Variants in TEKT2 observed in about 807,000 individuals in gnomAD.
TEKT2 encodes tektin 2.
Under a neutral mutation model 49.8 loss-of-function variants are expected in TEKT2, and 45 were observed. The ratio of observed to expected loss-of-function variants is 0.90; its 90% CI spans 0.71 to 1.16. TEKT2 has a LOEUF of 1.16. TEKT2 is among the 50% of genes most tolerant of loss of function. The pLI is 0.00. For missense variants in TEKT2, 523 were observed against 551.4 expected, an observed-to-expected ratio of 0.95 and a Z score of 0.52; for synonymous variants, 202 against 224.6, an observed-to-expected ratio of 0.90 and a Z score of 0.90.
In TEKT2 at chr1:36,087,124, C is replaced by A; in HGVS notation, c.747+79C>A. ...CTTCTGTTCCCTGCTGTGCATGTGG[C>A]CCCCTGCCCCTCGCTTGAGTAATAT... is the stretch of plus-strand genomic sequence containing the variant. On this transcript the variant is annotated intron_variant, in intron 6 of 9. Coordinates refer to ENST00000207457, the MANE Select transcript of TEKT2 (RefSeq NM_014466.3). This position sits in a 1 kb window ranked among gnomAD's most constrained non-coding sequence, Gnocchi z 4.9. 12 of 1,601,038 alleles carry A rather than the reference C, an allele frequency of 7.5e-6. No individual in the cohort carries two copies. Among genetic ancestry groups the A allele is most frequent in the Non-Finnish European group, 1.0e-5 (12 of 1,169,576 alleles).
intron 4 of TEKT2, 132 bp downstream of exon 4, chr1:36,086,173 C>A: frequency 1.1e-6 from 1 of 935,722 alleles, no homozygotes; most frequent in Non-Finnish European, 1.7e-6. Context: ...GTGCCTGTGA[C>A]AGAAACCACT....
Position 36,088,233 on chromosome 1 carries a change from G to T in TEKT2, c.*47G>T. ...GGGCAGGGTTGGGTGGGCAATGGAA[G>T]GAGGGAGGAGAGAAATGAATGGAAT... On this transcript the variant is annotated 3_prime_UTR_variant, in exon 10 of 10. Coordinates refer to ENST00000207457, the MANE Select transcript of TEKT2 (RefSeq NM_014466.3). The T allele has an allele frequency of 6.8e-7, 1 of 1,462,368 alleles. No individual in the cohort carries two copies. The highest frequency in any genetic ancestry group is 2.3e-5 in the East Asian group (1 of 43,008). The allele number at this position is 1,462,368 out of a possible 1,614,324, so 90.6% of individuals were successfully genotyped here. A position where few individuals can be genotyped will look rare whatever the true frequency, so the allele number is the denominator to read the frequency against.
At chr1:36,085,421 TG>T (rs1336626758) in intron 3 of TEKT2, 133 bp downstream of exon 3, 1 of 1,396,414 alleles carries the variant, frequency 7.2e-7, no homozygotes, top group African/African-American at 1.4e-5. Context: ...CCTGCTAAAG[TG>T]GGGACAAGCG....
intron 4 of TEKT2, 80 bp from the exon 5 acceptor site, chr1:36,086,623 TC>T: frequency 6.3e-7 from 1 of 1,591,932 alleles, no homozygotes; most frequent in East Asian, 2.2e-5. Context: ...AGCCTCCTCT[TC>T]CTGTGGTGTC....
rs768104462 is a variant in TEKT2, at chr1:36,086,829, C to A, written c.614C>A (p.Pro205His). 8 of 1,614,064 alleles carry A rather than the reference C, an allele frequency of 5.0e-6. No homozygotes were observed. The highest frequency in any genetic ancestry group is 1.7e-5 in the Admixed American group (1 of 59,992). Reference protein sequence around the residue: ...RSPNISLKVDPTRVPDGSTTL... With the variant: ...RSPNISLKVDHTRVPDGSTTL... Reference sequence around the variant, plus strand: ...CCAAACATCTCGCTGAAGGTTGACCCCACACGTGTACCTGATGGGTAAGAA... The same window carrying A: ...CCAAACATCTCGCTGAAGGTTGACCACACACGTGTACCTGATGGGTAAGAA... Residue 205 changes from proline to histidine, a missense_variant, in exon 5 of 10, where the codon CCC (proline) becomes CAC (histidine). Pro to His is a moderately conservative substitution (Grantham distance 77). Transcript: ENST00000207457.
chr1:36,088,021 C>T lies in TEKT2; in HGVS notation c.1128C>T (p.Asp376=). Residue 376 remains aspartate (D), a synonymous_variant, in exon 10 of 10, where the codon GAC becomes GAT. Transcript: ENST00000207457. ...AGCACCTGGCCCGGCTGCAGGCTGA[C>T]ATTGCCTGCAAGGCCAACTCCATGC... ...LCKHLARLQA[D]IACKANSMLL... 1.9e-6 allele frequency: 3 copies of T among 1,612,464 alleles called. No individual in the cohort carries two copies. Among genetic ancestry groups the T allele is most frequent in the Non-Finnish European group, 2.5e-6 (3 of 1,179,720 alleles).
rs905693386 is a variant in TEKT2 at position 36,084,927 on chromosome 1, C to T, written c.6C>T (p.Ala2=). M[A]TLSVKPSRRF... The stretch of plus-strand genomic sequence containing the variant: ...ACCCTTCTGGTTTCTGTGCCATGGC[C>T]ACGCTGAGCGTCAAGCCAAGTCGGC... The change falls in exon 2 of 10, where the codon GCC becomes GCT. Residue 2 remains alanine (A), a synonymous_variant. Coordinates refer to ENST00000207457, the MANE Select transcript of TEKT2 (RefSeq NM_014466.3). The surrounding 1 kb of genome is among the most constrained non-coding windows in gnomAD (Gnocchi z 4.1). 6.2e-7 allele frequency: 1 copy of T among 1,613,888 alleles called. No homozygotes were observed.
At position 36,085,060 on chromosome 1, in the gene TEKT2, A is replaced by G; in HGVS notation, c.139A>G (p.Asn47Asp). Residue 47 changes from asparagine to aspartate, a missense_variant, in exon 2 of 10, where the codon AAC (asparagine) becomes GAC (aspartate). By Grantham distance (23) the Asn-to-Asp change is conservative (BLOSUM62 1). Coordinates refer to ENST00000207457, the MANE Select transcript of TEKT2 (RefSeq NM_014466.3). The part of the protein sequence containing the change: ...QIRQEARVLR[N>D]ETNNQTIWDE... ...CCGCCAGGAGGCCCGGGTGCTCCGC[A>G]ACGAGACCAACAACCAGGTTGGGGA... The G allele has an allele frequency of 1.2e-6, 2 of 1,614,132 alleles. No individual in the cohort carries two copies. The highest frequency in any genetic ancestry group is 2.2e-5 in the South Asian group (2 of 91,090).
rs1160656614 is a variant in TEKT2, at chr1:36,084,831, T to C, written c.-52-39T>C. ...CAGGGGGCGTGTGATCCAGGAGGTCTCCGGAAAGGTCTCCCGCAGCAGTGT... is the reference window on the plus strand; with the variant it reads ...CAGGGGGCGTGTGATCCAGGAGGTCCCCGGAAAGGTCTCCCGCAGCAGTGT... On this transcript the variant is annotated intron_variant, in intron 1 of 9. Transcript: ENST00000207457. This position sits in a 1 kb window ranked among gnomAD's most constrained non-coding sequence, Gnocchi z 4.1. The C allele has an allele frequency of 6.3e-7, 1 of 1,593,176 alleles. No homozygotes were observed. Among genetic ancestry groups the C allele is most frequent in the African/African-American group, 1.3e-5 (1 of 74,456 alleles).
chr1:36,084,795 C>A lies in TEKT2; in HGVS notation c.-52-75C>A. The A allele has an allele frequency of 1.4e-6, 2 of 1,421,028 alleles. No homozygotes were observed. Among genetic ancestry groups the A allele is most frequent in the South Asian group, 2.3e-5 (2 of 85,506 alleles). The allele number at this position is 1,421,028 out of a possible 1,614,324, so 88.0% of individuals were successfully genotyped here. ...GGGCTCAGAGCAAAATGGACAGGAA[C>A]AAGTCCTGCGCAGGGGGCGTGTGAT... On this transcript the variant is annotated intron_variant, in intron 1 of 9. Coordinates refer to ENST00000207457, the MANE Select transcript of TEKT2 (RefSeq NM_014466.3). This position sits in a 1 kb window ranked among gnomAD's most constrained non-coding sequence, Gnocchi z 4.1.
chr1:36,085,152 GTC>G lies in TEKT2; in HGVS notation c.157-4_157-3del, dbSNP rs1317659644. On this transcript the variant is annotated splice_polypyrimidine_tract_variant and intron_variant, in intron 2 of 9. Coordinates refer to ENST00000207457, the MANE Select transcript of TEKT2 (RefSeq NM_014466.3). The stretch of plus-strand genomic sequence containing the variant: ...CTTGACACCCTCTCTATCTGGCTCT[GTC>G]TCTCTCAGACCATTTGGGATGAACA... The G allele has an allele frequency of 6.2e-7, 1 of 1,614,110 alleles. No individual in the cohort carries two copies. Among genetic ancestry groups the G allele is most frequent in the African/African-American group, 1.3e-5 (1 of 74,940 alleles).
rs1643411085 is a variant in TEKT2 at position 36,087,901 on chromosome 1, C to A, written c.1080-72C>A. ...TGGCTCCCTGGGGCTGTCTTCCTGACTGAAGGCTATGCACGCAGCCCAGGC... is the reference window on the plus strand; with the variant it reads ...TGGCTCCCTGGGGCTGTCTTCCTGAATGAAGGCTATGCACGCAGCCCAGGC... On this transcript the variant is annotated intron_variant, in intron 9 of 9. Transcript: ENST00000207457. This position sits in a 1 kb window ranked among gnomAD's most constrained non-coding sequence, Gnocchi z 4.9. The A allele has an allele frequency of 6.3e-7, 1 of 1,591,724 alleles. No individual in the cohort carries two copies. The highest frequency in any genetic ancestry group is 1.1e-5 in the South Asian group (1 of 88,990).
intron 3 of TEKT2, 54 bp downstream of exon 3, chr1:36,085,342 C>G: frequency 6.2e-7 from 1 of 1,611,418 alleles, no homozygotes; most frequent in Admixed American, 1.7e-5. Context: ...TCCCCTCCTT[C>G]CCCACAGCTA....
At position 36,085,164 on chromosome 1, in the gene TEKT2, C is replaced by T. The variant is rs1386907647; in HGVS notation, c.158C>T (p.Thr53Ile). The change falls in exon 3 of 10, where the codon ACC (threonine) becomes ATC (isoleucine). Residue 53 changes from threonine to isoleucine, a missense_variant and splice_region_variant. Coordinates refer to ENST00000207457, the MANE Select transcript of TEKT2 (RefSeq NM_014466.3). ...RVLRNETNNQ[T>I]IWDEHDNRTR... ...TCTATCTGGCTCTGTCTCTCTCAGA[C>T]CATTTGGGATGAACATGACAACAGG... is the stretch of plus-strand genomic sequence containing the variant. 2 of 1,614,090 alleles carry T rather than the reference C, an allele frequency of 1.2e-6. No homozygotes were observed. The highest frequency in any genetic ancestry group is 1.1e-5 in the South Asian group (1 of 91,090).
chr1:36,087,048 GAC>G lies in TEKT2; in HGVS notation c.747+5_747+6del. ...CCACTGCTCTAACTATTGCTGAGGT[GAC>G]AGGCCACCCACAGCTAATGGATGGT... On this transcript the variant is annotated splice_donor_5th_base_variant and intron_variant, in intron 6 of 9. Transcript: ENST00000207457. The surrounding 1 kb of genome is among the most constrained non-coding windows in gnomAD (Gnocchi z 4.9). 1 of 1,613,670 alleles carries G rather than the reference GAC, an allele frequency of 6.2e-7. No homozygotes were observed. Among genetic ancestry groups the G allele is most frequent in the Non-Finnish European group, 8.5e-7 (1 of 1,179,844 alleles).
In TEKT2 at chr1:36,084,835, G is replaced by C; in HGVS notation, c.-52-35G>C. The C allele has an allele frequency of 6.2e-7, 1 of 1,600,440 alleles. No homozygotes were observed. The highest frequency in any genetic ancestry group is 8.5e-7 in the Non-Finnish European group (1 of 1,170,460). ...GGGCGTGTGATCCAGGAGGTCTCCGGAAAGGTCTCCCGCAGCAGTGTTTTC... is the reference window on the plus strand; with the variant it reads ...GGGCGTGTGATCCAGGAGGTCTCCGCAAAGGTCTCCCGCAGCAGTGTTTTC... On this transcript the variant is annotated intron_variant, in intron 1 of 9. Coordinates refer to ENST00000207457, the MANE Select transcript of TEKT2 (RefSeq NM_014466.3). The surrounding 1 kb of genome is among the most constrained non-coding windows in gnomAD (Gnocchi z 4.1).
At position 36,085,911 on chromosome 1, in the gene TEKT2, C is replaced by T. The variant is rs369442918; in HGVS notation, c.358C>T (p.Arg120Trp). ...LDVAIECLTL[R>W]ESRRDIDVVK... ...TGTGGCCATTGAGTGCCTGACCCTGCGGGAAAGCCGGCGAGACATTGATGT... is the reference window on the plus strand; with the variant it reads ...TGTGGCCATTGAGTGCCTGACCCTGTGGGAAAGCCGGCGAGACATTGATGT... The change falls in exon 4 of 10, where the codon CGG becomes TGG. Residue 120 changes from arginine (R) to tryptophan (W), a missense_variant. Coordinates refer to ENST00000207457, the MANE Select transcript of TEKT2 (RefSeq NM_014466.3). 21 of 1,613,860 alleles carry T rather than the reference C, an allele frequency of 1.3e-5. No homozygotes were observed. The East Asian group carries it at 2.5e-4, about 19-fold the overall frequency.
Position 36,086,047 on chromosome 1 carries a change from G to C in TEKT2, c.488+6G>C, listed in dbSNP as rs1391283628. On this transcript the variant is annotated splice_donor_region_variant and intron_variant, in intron 4 of 9. Transcript: ENST00000207457. ...CAGGCCTTCGAGCAGCTCTGGTAAG[G>C]GAGAGGCAGGTCGTCCGCATGTTCA... 5 of 1,569,556 alleles carry C rather than the reference G, an allele frequency of 3.2e-6. No homozygotes were observed.
At position 36,088,102 on chromosome 1, in the gene TEKT2, G is replaced by C. The variant is rs764682428; in HGVS notation, c.1209G>C (p.Arg403Ser). Residue 403 changes from arginine (R) to serine (S), a missense_variant, in exon 10 of 10, where the codon AGG becomes AGC. Transcript: ENST00000207457. ...GCAAGCTGACCGTGCCTGCTGAGAG[G>C]TTCGTGCCTGAGGTGGACACCTTCA... ...TRRKLTVPAE[R>S]FVPEVDTFTR... The C allele has an allele frequency of 2.5e-6, 4 of 1,612,954 alleles. No homozygotes were observed. Among genetic ancestry groups the C allele is most frequent in the Non-Finnish European group, 3.4e-6 (4 of 1,179,928 alleles).
Sources: gnomAD v4.1 joint callset for allele counts on GRCh38, gnomAD v4.1.1 for gene constraint, Gnocchi (gnomAD v3.1) non-coding constraint, MANE v1.5 for transcripts, NCBI Gene and HGNC (gene_info 2026-07-23, HGNC 2026-07-21) for gene names.